Variants in CYP2C19 observed in about 807,000 individuals in gnomAD.
CYP2C19 encodes the protein cytochrome P450 family 2 subfamily C member 19, also known as cytochrome P450 2C19.
In CYP2C19, 59 loss-of-function variants were observed where a neutral mutation model predicts 40.9. The ratio of observed to expected loss-of-function variants is 1.44; its 90% confidence interval spans 1.17 to 1.79. The LOEUF (loss-of-function observed/expected upper bound fraction) is 1.79. Among genes scored for constraint, CYP2C19 ranks in the 40% most tolerant of loss-of-function variants. CYP2C19 has a pLI of 0.00. For synonymous variants in CYP2C19, 253 were observed against 208.7 expected (o/e 1.21, Z -1.83); for missense variants, 754 against 596.9 (o/e 1.26, Z -2.74).
intron 5 of CYP2C19, among the ~76,000 whole-genome samples, chr10:94,789,246 C>T (rs1434917741): frequency 1.3e-5 from 2 of 150,948 alleles, no homozygotes; most frequent in South Asian, 4.2e-4. Context: ...GGATAGTTGC[C>T]CTTTGTCAGA....
intron 5 of CYP2C19, among the ~76,000 whole-genome samples, chr10:94,791,977 A>T (rs934917243): frequency 5.3e-5 from 8 of 152,188 alleles, no homozygotes; most frequent in Non-Finnish European, 1.2e-4. Context: ...AAAGCCTCCC[A>T]TTATTATTGT....
chr10:94,846,194 A>G (rs2134289252), intron 7 of CYP2C19, among the ~76,000 whole-genome samples: 1 of 152,250 alleles, frequency 6.6e-6, no homozygotes, highest in East Asian at 1.9e-4. Context: ...TGTAATCAAG[A>G]ACAGTTCATT....
rs1317795085 is a variant in CYP2C19 at position 94,781,973 on chromosome 10, T to C, written c.795T>C (p.Asp265=). 7.2e-6 allele frequency: 11 copies of C among 1,536,148 alleles called. No homozygotes were observed. Among genetic ancestry groups the C allele is most frequent in the Non-Finnish European group, 9.6e-6 (11 of 1,150,302 alleles). ...TCAACAACCCTCGGGACTTTATTGATTGCTTCCTGATCAAAATGGAGAAGG... is the reference window on the plus strand; with the variant it reads ...TCAACAACCCTCGGGACTTTATTGACTGCTTCCTGATCAAAATGGAGAAGG... The part of the protein sequence containing the change: ...MDINNPRDFI[D]CFLIKMEKEK... The change falls in exon 5 of 9, where the codon GAT becomes GAC. Residue 265 remains aspartate (D), a synonymous_variant. Coordinates refer to ENST00000371321, the MANE Select transcript of CYP2C19 (RefSeq NM_000769.4).
rs1246606655 is a variant in CYP2C19, at chr10:94,762,823, G to A, written c.118G>A (p.Gly40Arg). The A allele has an allele frequency of 2.5e-6, 4 of 1,613,702 alleles. No individual in the cohort carries two copies. Among genetic ancestry groups the A allele is most frequent in the Non-Finnish European group, 3.4e-6 (4 of 1,179,826 alleles). The change falls in exon 1 of 9, where the codon GGA (glycine) becomes AGA (arginine). Residue 40 changes from glycine (G) to arginine (R), a missense_variant. By Grantham distance (125) the Gly-to-Arg change is moderately radical (BLOSUM62 -2). Transcript: ENST00000371321. Reference sequence around the variant, plus strand: ...TGGCCCCACTCCTCTCCCAGTGATTGGAAATATCCTACAGATAGATATTAA... The same window carrying A: ...TGGCCCCACTCCTCTCCCAGTGATTAGAAATATCCTACAGATAGATATTAA... Reference protein sequence around the residue: ...PPGPTPLPVIGNILQIDIKDV... With the variant: ...PPGPTPLPVIRNILQIDIKDV...
intron 5 of CYP2C19, among the ~76,000 whole-genome samples, chr10:94,785,329 A>AT (rs749293499): frequency 2.8e-4 from 42 of 151,946 alleles, no homozygotes; most frequent in Non-Finnish European, 4.7e-4. Context: ...TTTCAGTTAT[A>AT]TTTTTCATTT....
At chr10:94,825,146 A>T (rs1849195261) in intron 6 of CYP2C19, among the ~76,000 whole-genome samples, 1 of 144,442 alleles carries the variant, frequency 6.9e-6, no homozygotes, top group African/African-American at 2.6e-5. Context: ...TAGCAGCATG[A>T]TTTATAGTCC....
intron 5 of CYP2C19, among the ~76,000 whole-genome samples, chr10:94,817,464 A>C (rs1008685777): frequency 7.1e-6 from 1 of 141,730 alleles, no homozygotes; most frequent in Non-Finnish European, 1.5e-5. Context: ...AGTTCATTGT[A>C]GATTCTGGAT....
intron 5 of CYP2C19, among the ~76,000 whole-genome samples, chr10:94,802,631 G>A (rs770384148): frequency 1.9e-4 from 29 of 152,098 alleles, no homozygotes; most frequent in Non-Finnish European, 8.8e-5. Context: ...TCACTATGAT[G>A]TTAGCCAGTT....
At chr10:94,832,851 T>C (rs1849353866) in intron 6 of CYP2C19, among the ~76,000 whole-genome samples, 2 of 152,174 alleles carry the variant, frequency 1.3e-5, no homozygotes, top group South Asian at 4.1e-4. Context: ...ATTGTTTTGA[T>C]AGTATGGACA....
chr10:94,797,905 TG>T (rs1848710749), intron 5 of CYP2C19, among the ~76,000 whole-genome samples: 1 of 152,040 alleles, frequency 6.6e-6, no homozygotes, highest in Admixed American at 6.6e-5. Flanking sequence ...GTCTTCCTAG[TG>T]GTCTATCAGT....
chr10:94,778,395 C>G (rs925052570), intron 3 of CYP2C19, among the ~76,000 whole-genome samples: 5 of 152,146 alleles, frequency 3.3e-5, no homozygotes, highest in Admixed American at 3.3e-4. Context: ...GCTCCTTTCC[C>G]TATACTTTCT....
intron 5 of CYP2C19, among the ~76,000 whole-genome samples, chr10:94,813,032 A>G (rs1490891989): frequency 6.7e-6 from 1 of 150,224 alleles, no homozygotes; most frequent in Admixed American, 6.6e-5. Context: ...GATGTTGGTG[A>G]CCTTTGAATG....
chr10:94,841,796 A>G (rs1849499408), intron 6 of CYP2C19, among the ~76,000 whole-genome samples: 1 of 152,134 alleles, frequency 6.6e-6, no homozygotes, highest in Non-Finnish European at 1.5e-5. Flanking sequence ...TTACTTGTGT[A>G]GTTTCCAAAA....
intron 7 of CYP2C19, among the ~76,000 whole-genome samples, chr10:94,845,922 T>C (rs1849566890): frequency 6.6e-6 from 1 of 152,078 alleles, no homozygotes; most frequent in South Asian, 2.1e-4. Context: ...AGTGTGTATA[T>C]ATATCTACTT....
At position 94,852,725 on chromosome 10, in the gene CYP2C19, A is replaced by T; in HGVS notation, c.1292-8A>T. 6.2e-7 allele frequency: 1 copy of T among 1,613,516 alleles called. No homozygotes were observed. Among genetic ancestry groups the T allele is most frequent in the Non-Finnish European group, 8.5e-7 (1 of 1,179,804 alleles). On this transcript the variant is annotated splice_region_variant and splice_polypyrimidine_tract_variant and intron_variant, in intron 8 of 8. Coordinates refer to ENST00000371321, the MANE Select transcript of CYP2C19 (RefSeq NM_000769.4). ...GGAGTAACTTCTCCCTATGTTTGTT[A>T]TTTTCAGGAAAACGGATTTGTGTGG...
intron 5 of CYP2C19, 93 bp downstream of exon 5, chr10:94,782,090 A>G (rs1359845255): frequency 1.3e-5 from 13 of 1,029,876 alleles, no homozygotes; most frequent in Non-Finnish European, 4.2e-6. Context: ...TTAACAGGTC[A>G]AGGAGTAATG....
At chr10:94,800,417 C>T (rs1282768268) in intron 5 of CYP2C19, among the ~76,000 whole-genome samples, 2 of 152,216 alleles carry the variant, frequency 1.3e-5, no homozygotes, top group African/African-American at 4.8e-5. Context: ...GGGACACCCA[C>T]GTGTATGAGG....
At chr10:94,820,445 C>A in intron 5 of CYP2C19, 51 bp from the exon 6 acceptor site, 1 of 1,601,300 alleles carries the variant, frequency 6.2e-7, no homozygotes, top group Non-Finnish European at 8.6e-7. Flanking sequence ...TTACTGTCAT[C>A]AAATATGCTG....
At chr10:94,844,542 A>C (rs1046617629) in intron 7 of CYP2C19, among the ~76,000 whole-genome samples, 4 of 152,166 alleles carry the variant, frequency 2.6e-5, no homozygotes, top group African/African-American at 9.7e-5. Flanking sequence ...TCCAATTTAA[A>C]CCAAGACATA....
Sources: gnomAD v4.1 joint callset for allele counts (sites outside exome capture counted in the v4.1 genomes callset) on GRCh38, gnomAD v4.1.1 for gene constraint, MANE v1.5 for transcripts, NCBI Gene and HGNC (gene_info 2026-07-23, HGNC 2026-07-21) for gene names.